The following SPOCD1 variants were observed in gnomAD, a reference collection of about 807,000 sequenced individuals.
The protein encoded by SPOCD1 is SPOC domain containing 1.
SPOCD1 carries 64 observed loss-of-function variants against 92.2 expected under a neutral mutation model. That is an observed-to-expected ratio of 0.69 (90% confidence interval 0.57 to 0.86). The LOEUF (loss-of-function observed/expected upper bound fraction) is 0.86. Among genes scored for constraint, SPOCD1 ranks in the 40% least tolerant of loss-of-function variants. The pLI is 0.00. For synonymous variants in SPOCD1, 578 were observed against 619.3 expected (o/e 0.93, Z 0.99); for missense variants, 1,360 against 1,543.1 (o/e 0.88, Z 1.99).
At chr1:31,801,516 T>C (rs1648462762) in intron 3 of SPOCD1, 148 bp downstream of exon 3, 1 of 660,496 alleles carries the variant, frequency 1.5e-6, no homozygotes, top group African/African-American at 1.8e-5. Flanking sequence ...GATCCAACAT[T>C]ATAGAGGGAG....
At chr1:31,813,848 T>C in intron 2 of SPOCD1, 103 bp downstream of exon 2, 1 of 1,078,494 alleles carries the variant, frequency 9.3e-7, no homozygotes, top group Non-Finnish European at 1.3e-6. Context: ...AGAATGTTCA[T>C]GAAGCGCCCA....
intron 3 of SPOCD1, among the ~76,000 whole-genome samples, 180 bp from the exon 4 acceptor site, chr1:31,800,797 C>T (rs1399617978): frequency 6.6e-6 from 1 of 152,186 alleles, no homozygotes; most frequent in African/African-American, 2.4e-5. Flanking sequence ...AAAGGCCTGG[C>T]ACATAGTGTT....
chr1:31,804,861 G>A (rs1436365518), intron 2 of SPOCD1, among the ~76,000 whole-genome samples: 3 of 151,936 alleles, frequency 2.0e-5, no homozygotes, highest in African/African-American at 4.8e-5. Flanking sequence ...GGAAAGGTAC[G>A]CGCTTGGAAT....
At chr1:31,792,655 G>C in intron 14 of SPOCD1, 23 bp downstream of exon 14, 1 of 1,550,146 alleles carries the variant, frequency 6.5e-7, no homozygotes, top group Non-Finnish European at 8.8e-7. Context: ...GAAAAGAGGG[G>C]GTGCCCAAGA....
At chr1:31,812,332 G>A (rs1649252932) in intron 2 of SPOCD1, among the ~76,000 whole-genome samples, 1 of 152,200 alleles carries the variant, frequency 6.6e-6, no homozygotes, top group African/African-American at 2.4e-5. Flanking sequence ...AGAAGAGGAA[G>A]TCCCAGCCCT....
At chr1:31,810,243 C>T (rs979942896) in intron 2 of SPOCD1, among the ~76,000 whole-genome samples, 4 of 152,106 alleles carry the variant, frequency 2.6e-5, no homozygotes, top group African/African-American at 9.7e-5. Context: ...TTATGCAGGA[C>T]TGGAGTCAAA....
In SPOCD1 at chr1:31,794,140, G is replaced by A. The variant is rs1412452794; in HGVS notation, c.2367C>T (p.Asn789=). The change falls in exon 11 of 16, where the codon AAC becomes AAT. Residue 789 remains asparagine, a synonymous_variant. Transcript: ENST00000360482. Reference sequence around the variant, plus strand: ...CCCTCCCACCCTTGCAGATGTGGCAGTTGGGGTCTAAGAAGTGGTGGTCAT... The same window carrying A: ...CCCTCCCACCCTTGCAGATGTGGCAATTGGGGTCTAAGAAGTGGTGGTCAT... The part of the protein sequence containing the change: ...GQHDHHFLDP[N]CHICKDWEPS... The A allele has an allele frequency of 2.2e-5, 36 of 1,613,884 alleles. No homozygotes were observed. The highest frequency in any genetic ancestry group is 3.1e-5 in the Non-Finnish European group (36 of 1,179,964).
At position 31,796,114 on chromosome 1, in the gene SPOCD1, A is replaced by G. The variant is rs1180712105; in HGVS notation, c.2271+476T>C. On this transcript the variant is annotated intron_variant, in intron 10 of 15. Transcript: ENST00000360482. ...CTATTGTCACTCCCGTTGGCTTCCCAGGTCTGAGGACAAGTTCCAGGAGGC... is the reference window on the plus strand; with the variant it reads ...CTATTGTCACTCCCGTTGGCTTCCCGGGTCTGAGGACAAGTTCCAGGAGGC... 13 of 253,532 alleles carry G rather than the reference A, an allele frequency of 5.1e-5. No homozygotes were observed. In the Admixed American group the frequency reaches 6.5e-4, roughly 13 times the overall value. The allele number at this position is 253,532 out of a possible 1,614,324, so 15.7% of individuals were successfully genotyped here.
chr1:31,802,912 G>A lies in SPOCD1; in HGVS notation c.1384-1207C>T, dbSNP rs575651795. 3.9e-5 allele frequency among the ~76,000 whole-genome samples: 6 copies of A among 152,216 alleles called. No individual in the cohort carries two copies. In the South Asian group the frequency reaches 1.2e-3, roughly 32 times the overall value. On this transcript the variant is annotated intron_variant, in intron 2 of 15. Transcript: ENST00000360482. ...AGGCTGCCAGTAGGGAAGCAACTGG[G>A]TGCCGGGAAAGATGAGTTTCACTTT... is the stretch of plus-strand genomic sequence containing the variant.
chr1:31,814,572 G>A lies in SPOCD1; in HGVS notation c.762C>T (p.Gly254=). The change falls in exon 2 of 16, where the codon GGC becomes GGT. Residue 254 remains glycine (G), a synonymous_variant. Transcript: ENST00000360482. The surrounding 1 kb of genome is among the most constrained non-coding windows in gnomAD (Gnocchi z 4.2). ...CTTTTGGAGAGGGAGGTCTGCAAGG[G>A]CCTCCCAAGGACTCCAGGTCAGCAA... ...PQVADLESLG[G]PCRPPSPKDT... The A allele has an allele frequency of 6.5e-7, 1 of 1,527,316 alleles. No homozygotes were observed. Among genetic ancestry groups the A allele is most frequent in the Non-Finnish European group, 8.8e-7 (1 of 1,137,338 alleles). 94.6% of individuals were successfully genotyped at this position (1,527,316 alleles called of 1,614,324 possible).
chr1:31,793,235 G>A, intron 13 of SPOCD1, 43 bp downstream of exon 13: 1 of 1,546,810 alleles, frequency 6.5e-7, no homozygotes, highest in Non-Finnish European at 8.8e-7. Flanking sequence ...TGCCTGGGCT[G>A]GTCAGTGTGT....
chr1:31,794,512 TTTTG>T (rs1236580299), intron 10 of SPOCD1: 41 of 251,442 alleles, frequency 1.6e-4, no homozygotes, highest in African/African-American at 2.5e-4. Context: ...TTTTTTTTTT[TTTTG>T]TTTGTTTGTT....
chr1:31,799,681 G>C, intron 6 of SPOCD1, 128 bp downstream of exon 6: 1 of 1,274,954 alleles, frequency 7.8e-7, no homozygotes, highest in South Asian at 1.3e-5. Context: ...TTGGGGAGGA[G>C]CTATAGGCTG....
chr1:31,806,585 C>T (rs1305318767), intron 2 of SPOCD1, among the ~76,000 whole-genome samples: 2 of 150,754 alleles, frequency 1.3e-5, no homozygotes, highest in African/African-American at 4.9e-5. Context: ...CACACTGTTG[C>T]CCAGGGTTGG....
Position 31,799,485 on chromosome 1 carries a change from G to A in SPOCD1, c.1784C>T (p.Ala595Val), listed in dbSNP as rs1648281204. The A allele has an allele frequency of 6.2e-7, 1 of 1,609,862 alleles. No homozygotes were observed. Among genetic ancestry groups the A allele is most frequent in the Non-Finnish European group, 8.5e-7 (1 of 1,178,340 alleles). ...GGATGGCTTCTCCTGTTGGAGCTGA[G>A]CTGTAGGGAGAGAGCGTCACAGGCT... ...DSLPEQPEDSAQLQQEKPSLY... is the reference protein window; with the variant it reads ...DSLPEQPEDSVQLQQEKPSLY... Residue 595 changes from alanine (A) to valine (V), a missense_variant and splice_region_variant, in exon 7 of 16, where the codon GCT becomes GTT. Coordinates refer to ENST00000360482, the MANE Select transcript of SPOCD1 (RefSeq NM_144569.7).
intron 10 of SPOCD1, chr1:31,796,088 A>T (rs1025055943): frequency 4.1e-6 from 1 of 243,082 alleles, no homozygotes; most frequent in East Asian, 1.1e-4. Flanking sequence ...AGAGCCCTAG[A>T]CTATTGTCAC....
intron 2 of SPOCD1, 151 bp from the exon 3 acceptor site, chr1:31,801,856 G>T: frequency 1.4e-6 from 1 of 716,952 alleles, no homozygotes. Flanking sequence ...CCATCAAAGG[G>T]GAAATGGTTA....
chr1:31,806,443 T>A (rs1307948057), intron 2 of SPOCD1, among the ~76,000 whole-genome samples: 1 of 152,240 alleles, frequency 6.6e-6, no homozygotes, highest in Non-Finnish European at 1.5e-5. Context: ...CATGTGTACT[T>A]TTAAATATGG....
Position 31,793,302 on chromosome 1 carries a change from C to A in SPOCD1, c.2661G>T (p.Ser887=), listed in dbSNP as rs768898216. The stretch of plus-strand genomic sequence containing the variant: ...CCTGGACAAGCCGACAGCTGTGTCC[C>A]GAGACCAGCTGGGCCCTGGCCCGGA... ...KRFRARAQLV[S]GHSCRLVQAL... The change falls in exon 13 of 16, where the codon TCG becomes TCT. Residue 887 remains serine (S), a synonymous_variant. Coordinates refer to ENST00000360482, the MANE Select transcript of SPOCD1 (RefSeq NM_144569.7). 3 of 1,593,830 alleles carry A rather than the reference C, an allele frequency of 1.9e-6. No individual in the cohort carries two copies. In the Admixed American group the frequency reaches 5.2e-5, roughly 28 times the overall value.
Sources: allele counts gnomAD v4.1 joint callset (sites outside exome capture counted in the v4.1 genomes callset), GRCh38; gene constraint gnomAD v4.1.1; non-coding constraint Gnocchi (gnomAD v3.1); transcripts MANE v1.5; gene names NCBI Gene and HGNC (gene_info 2026-07-23, HGNC 2026-07-21).